The following IL1RAPL1 variants were observed in gnomAD, a reference collection of about 807,000 sequenced individuals.
IL1RAPL1 encodes interleukin 1 receptor accessory protein like 1, also known as interleukin-1 receptor accessory protein-like 1.
In IL1RAPL1, 3 loss-of-function variants were observed where a neutral mutation model predicts 48.4. The ratio of observed to expected loss-of-function variants is 0.06; its 90% confidence interval spans 0.03 to 0.16. The LOEUF (loss-of-function observed/expected upper bound fraction) is 0.16, where lower values mean the gene tolerates loss of function less well. Among genes scored for constraint, IL1RAPL1 ranks in the 10% least tolerant of loss-of-function variants. The pLI, the probability that IL1RAPL1 is intolerant of heterozygous loss-of-function variation, is 1.00. For synonymous variants in IL1RAPL1, 185 were observed against 187.7 expected, an observed-to-expected ratio of 0.99 and a Z score of 0.12; for missense variants, 349 against 530.6, an observed-to-expected ratio of 0.66 and a Z score of 3.36.
chrX:29,538,483 G>A (rs1251907704), intron 5 of IL1RAPL1, among the ~76,000 whole-genome samples: 1 of 106,871 alleles, frequency 9.4e-6, no homozygotes, highest in East Asian at 2.9e-4. Context: ...GATTACAGGC[G>A]CCTGCTACCA....
chrX:28,908,914 A>T (rs1256941320), intron 2 of IL1RAPL1, among the ~76,000 whole-genome samples: 1 of 111,756 alleles, frequency 8.9e-6, no homozygotes, highest in Non-Finnish European at 1.9e-5. Flanking sequence ...TACTTGAAGA[A>T]TTTACCCTTT....
chrX:29,610,048 T>A (rs947202240), intron 5 of IL1RAPL1, among the ~76,000 whole-genome samples: 7 of 112,106 alleles, frequency 6.2e-5, no homozygotes, highest in Non-Finnish European at 9.4e-5. Context: ...GGAGTGGGTC[T>A]GATGAAAACT....
At chrX:29,216,902 G>A (rs1930879620) in intron 2 of IL1RAPL1, among the ~76,000 whole-genome samples, 1 of 111,861 alleles carries the variant, frequency 8.9e-6, no homozygotes, top group African/African-American at 3.2e-5. Flanking sequence ...GGCCAAAACG[G>A]TGACTATGCA....
At chrX:28,848,444 GTT>G (rs11366471) in intron 2 of IL1RAPL1, among the ~76,000 whole-genome samples, 1 of 106,695 alleles carries the variant, frequency 9.4e-6, no homozygotes, top group African/African-American at 3.4e-5. Context: ...TACTTGTAGG[GTT>G]TTTTTTTTCT....
intron 5 of IL1RAPL1, among the ~76,000 whole-genome samples, chrX:29,628,856 C>T (rs777849655): frequency 9.0e-6 from 1 of 111,713 alleles, no homozygotes; most frequent in Non-Finnish European, 1.9e-5. Flanking sequence ...GCAAGAGATA[C>T]AAAGAAAAGA....
chrX:29,853,545 C>CT (rs1215376849), intron 6 of IL1RAPL1, among the ~76,000 whole-genome samples: 11 of 109,184 alleles, frequency 1.0e-4, no homozygotes, highest in East Asian at 8.6e-4. Context: ...TTATCTGATG[C>CT]TTTTTTTTTC....
chrX:28,947,412 A>G (rs1387651383), intron 2 of IL1RAPL1, among the ~76,000 whole-genome samples: 1 of 111,300 alleles, frequency 9.0e-6, no homozygotes, highest in African/African-American at 3.3e-5. Flanking sequence ...AGGTACAAAG[A>G]TGAGGATACT....
intron 6 of IL1RAPL1, among the ~76,000 whole-genome samples, chrX:29,898,924 A>G (rs1022008702): frequency 8.9e-6 from 1 of 112,104 alleles, no homozygotes; most frequent in Admixed American, 9.5e-5. Flanking sequence ...AGCTATTCTC[A>G]AGTGATAACC....
intron 6 of IL1RAPL1, among the ~76,000 whole-genome samples, chrX:29,796,683 T>G (rs938940587): frequency 3.6e-5 from 4 of 112,360 alleles, no homozygotes; most frequent in African/African-American, 1.3e-4. Flanking sequence ...ACACAGCAAA[T>G]GAATGATAAT....
At chrX:29,098,598 A>G (rs1222357750) in intron 2 of IL1RAPL1, among the ~76,000 whole-genome samples, 1 of 111,872 alleles carries the variant, frequency 8.9e-6, no homozygotes, top group African/African-American at 3.3e-5. Context: ...TAGAAATGCA[A>G]AACCTCAGCC....
At chrX:29,766,340 AAAAT>A (rs1213720496) in intron 6 of IL1RAPL1, among the ~76,000 whole-genome samples, 82 of 76,283 alleles carry the variant, frequency 1.1e-3, no homozygotes, top group South Asian at 3.1e-3. Context: ...AAAAAAAAAA[AAAAT>A]ATATATATAT....
chrX:28,963,033 T>A (rs1924827666), intron 2 of IL1RAPL1, among the ~76,000 whole-genome samples: 1 of 111,200 alleles, frequency 9.0e-6, no homozygotes, highest in African/African-American at 3.3e-5. Context: ...AAAGATTTTG[T>A]TCAAGAAAAA....
chrX:28,591,137 T>A (rs1224361607), intron 1 of IL1RAPL1, among the ~76,000 whole-genome samples: 3 of 111,789 alleles, frequency 2.7e-5, no homozygotes, highest in Non-Finnish European at 5.6e-5. Context: ...GCCGCAGTCA[T>A]GTAGTTAGGT....
intron 5 of IL1RAPL1, among the ~76,000 whole-genome samples, chrX:29,597,234 A>G (rs1249963291): frequency 9.6e-6 from 1 of 103,684 alleles, no homozygotes; most frequent in Non-Finnish European, 1.9e-5. Flanking sequence ...GCTCACTGCA[A>G]CCTCTGCCTC....
intron 6 of IL1RAPL1, among the ~76,000 whole-genome samples, chrX:29,742,582 C>CA (rs1444390662): frequency 9.2e-6 from 1 of 109,160 alleles, no homozygotes; most frequent in African/African-American, 3.3e-5. Context: ...AACAAATAAA[C>CA]AAAAAAACCT....
At chrX:29,219,957 A>G (rs1287098971) in intron 2 of IL1RAPL1, among the ~76,000 whole-genome samples, 3 of 107,956 alleles carry the variant, frequency 2.8e-5, no homozygotes, top group Non-Finnish European at 5.8e-5. Flanking sequence ...TCTTTAAAGA[A>G]AAAAAAAAAA....
At chrX:29,226,939 C>A (rs1931093994) in intron 2 of IL1RAPL1, among the ~76,000 whole-genome samples, 1 of 109,915 alleles carries the variant, frequency 9.1e-6, no homozygotes, top group Admixed American at 9.8e-5. Flanking sequence ...AAATTGAATT[C>A]TCCAAAGAAC....
At chrX:28,968,376 T>C (rs969134077) in intron 2 of IL1RAPL1, among the ~76,000 whole-genome samples, 2 of 111,011 alleles carry the variant, frequency 1.8e-5, no homozygotes, top group African/African-American at 6.5e-5. Context: ...AAATGCAAAT[T>C]GTGAGTTATT....
intron 2 of IL1RAPL1, among the ~76,000 whole-genome samples, chrX:28,834,909 T>A (rs900372888): frequency 4.5e-5 from 5 of 111,331 alleles, no homozygotes; most frequent in African/African-American, 1.3e-4. Flanking sequence ...GCCAAATATC[T>A]GCATGACACA....
Sources: gnomAD v4.1 joint callset for allele counts (sites outside exome capture counted in the v4.1 genomes callset) on GRCh38, gnomAD v4.1.1 for gene constraint, MANE v1.5 for transcripts, NCBI Gene and HGNC (gene_info 2026-07-23, HGNC 2026-07-21) for gene names.